EHMT1: variants seen among roughly 807,000 people sequenced by gnomAD.
The protein encoded by EHMT1 is euchromatic histone lysine methyltransferase 1.
Under a neutral mutation model 147.2 loss-of-function variants are expected in EHMT1, and 15 were observed. That is an observed-to-expected ratio of 0.10 (90% CI 0.07 to 0.16). EHMT1 has a LOEUF of 0.16. Among genes scored for constraint, EHMT1 ranks in the 10% least tolerant of loss-of-function variants. The pLI is 1.00. For missense variants in EHMT1, 1,587 were observed against 1,772.4 expected (o/e 0.90, Z 1.88); for synonymous variants, 795 against 709.6 (o/e 1.12, Z -1.91).
chr9:137,703,835 C>G (rs760421277), intron 1 of EHMT1, among the ~76,000 whole-genome samples: 1 of 152,144 alleles, frequency 6.6e-6, no homozygotes, highest in Non-Finnish European at 1.5e-5. Flanking sequence ...TAGCAATGCC[C>G]TACTTCTCCA....
At position 137,686,703 on chromosome 9, in the gene EHMT1, T is replaced by C. The variant is rs993031059; in HGVS notation, c.22-24264T>C. Among the ~76,000 whole-genome samples, 58 of 150,028 alleles carry C rather than the reference T, an allele frequency of 3.9e-4. 2 individuals are homozygous for C. The highest frequency in any genetic ancestry group is 3.6e-3 in the Middle Eastern group (1 of 280). ...GCTGAGTCAATTTTTATACATGGCA[T>C]GAGGTAGGGGTCCAACCTCATTCTT... On this transcript the variant is annotated intron_variant, in intron 1 of 26. Coordinates refer to ENST00000460843, the MANE Select transcript of EHMT1 (RefSeq NM_024757.5).
At chr9:137,722,152 A>G (rs1157547179) in intron 3 of EHMT1, among the ~76,000 whole-genome samples, 2 of 152,082 alleles carry the variant, frequency 1.3e-5, no homozygotes, top group African/African-American at 4.8e-5. Context: ...CGTCTCTCTG[A>G]AGTTATGCTT....
rs1949427594 is a variant in EHMT1 at position 137,757,022 on chromosome 9, G to GCTT, written c.1370-856_1370-855insTCT. Among the ~76,000 whole-genome samples, 3 of 152,254 alleles carry GCTT rather than the reference G, an allele frequency of 2.0e-5. No homozygotes were observed. The South Asian group carries it at 6.2e-4, about 32-fold the overall frequency. On this transcript the variant is annotated intron_variant, in intron 8 of 26. Coordinates refer to ENST00000460843, the MANE Select transcript of EHMT1 (RefSeq NM_024757.5). ...TTGGTGACTAGTCCCTAGAAGCTTG[G>GCTT]CTGTGAAATGTGACCATCTGCCCTT...
intron 1 of EHMT1, among the ~76,000 whole-genome samples, chr9:137,660,708 T>A (rs1424672690): frequency 6.6e-6 from 1 of 152,248 alleles, no homozygotes; most frequent in Non-Finnish European, 1.5e-5. Flanking sequence ...TCTCTTCATT[T>A]AGTTTTTAAG....
At chr9:137,686,943 A>C (rs1173140352) in intron 1 of EHMT1, among the ~76,000 whole-genome samples, 1 of 151,644 alleles carries the variant, frequency 6.6e-6, no homozygotes, top group African/African-American at 2.4e-5. Flanking sequence ...TGTAGCCAGG[A>C]TGGTCTTGAT....
At chr9:137,763,673 C>A (rs1950013929) in intron 10 of EHMT1, 1 of 153,356 alleles carries the variant, frequency 6.5e-6, no homozygotes, top group African/African-American at 2.4e-5. Flanking sequence ...GAGCTGTGAA[C>A]AGGACAACCA....
At chr9:137,724,811 G>A (rs536806514) in intron 3 of EHMT1, among the ~76,000 whole-genome samples, 24 of 152,268 alleles carry the variant, frequency 1.6e-4, no homozygotes, top group African/African-American at 4.3e-4. Context: ...TACAGCAGAC[G>A]TGTGGCATTC....
chr9:137,643,400 G>A (rs1317504761), intron 1 of EHMT1, among the ~76,000 whole-genome samples: 2 of 147,388 alleles, frequency 1.4e-5, no homozygotes, highest in South Asian at 2.2e-4. Context: ...GAGTGCAGTG[G>A]TGCCATCTCG....
chr9:137,794,706 G>A (rs934999352), intron 16 of EHMT1, among the ~76,000 whole-genome samples: 4 of 150,982 alleles, frequency 2.6e-5, no homozygotes, highest in African/African-American at 4.9e-5. Context: ...GACAGACAAC[G>A]TTATGAAATA....
At chr9:137,631,328 G>C (rs1434001473) in intron 1 of EHMT1, among the ~76,000 whole-genome samples, 1 of 151,706 alleles carries the variant, frequency 6.6e-6, no homozygotes, top group Non-Finnish European at 1.5e-5. Flanking sequence ...GGAGGTGGAG[G>C]TTGCAGTGAC....
chr9:137,625,478 C>T (rs555070088), intron 1 of EHMT1, among the ~76,000 whole-genome samples: 13 of 152,174 alleles, frequency 8.5e-5, no homozygotes, highest in Non-Finnish European at 1.5e-4. Flanking sequence ...GCTGGGACTA[C>T]AGGCACGTGC....
intron 4 of EHMT1, among the ~76,000 whole-genome samples, chr9:137,733,593 G>T (rs980596799): frequency 6.6e-6 from 1 of 152,144 alleles, no homozygotes; most frequent in African/African-American, 2.4e-5. Context: ...CAGGGTGTGC[G>T]GTGTTCCTGG....
chr9:137,639,207 C>T (rs1412981825), intron 1 of EHMT1, among the ~76,000 whole-genome samples: 1 of 150,674 alleles, frequency 6.6e-6, no homozygotes, highest in African/African-American at 2.4e-5. Context: ...TGTATAGTTT[C>T]AGTGTGTTTA....
rs1950965651 is a variant in EHMT1, at chr9:137,776,452, C to T, written c.1792-166C>T. ...CGAGAGCACCACGGGAAGCATCGTT[C>T]CTCCTTCTTAACGATGCCTGGGGCC... On this transcript the variant is annotated intron_variant, in intron 11 of 26. Transcript: ENST00000460843. This position sits in a 1 kb window ranked among gnomAD's most constrained non-coding sequence, Gnocchi z 4.4. The T allele has an allele frequency of 3.1e-6, 2 of 652,400 alleles. No individual in the cohort carries two copies. Among genetic ancestry groups the T allele is most frequent in the South Asian group, 3.5e-5 (2 of 56,596 alleles). The allele number at this position is 652,400 out of a possible 1,614,324, so 40.4% of individuals were successfully genotyped here. A position where few individuals can be genotyped will look rare whatever the true frequency, so the allele number is the denominator to read the frequency against.
intron 25 of EHMT1, among the ~76,000 whole-genome samples, chr9:137,830,601 C>T (rs564666111): frequency 2.6e-5 from 4 of 152,106 alleles, no homozygotes; most frequent in Non-Finnish European, 5.9e-5. Context: ...CAGTAAGCAC[C>T]AGTCCAGCTC....
intron 16 of EHMT1, among the ~76,000 whole-genome samples, chr9:137,795,596 G>C (rs1221710584): frequency 6.6e-6 from 1 of 152,158 alleles, no homozygotes; most frequent in Non-Finnish European, 1.5e-5. Context: ...AGACTCCACA[G>C]ACAGTGGCCC....
intron 1 of EHMT1, among the ~76,000 whole-genome samples, chr9:137,627,212 C>T (rs1250906990): frequency 6.6e-6 from 1 of 151,062 alleles, no homozygotes; most frequent in South Asian, 2.1e-4. Context: ...ACCCCCCTTG[C>T]CTCCCAAAGT....
rs1340338029 is a variant in EHMT1, at chr9:137,828,338, G to A, written c.3541-6011G>A. Among the ~76,000 whole-genome samples, 2 of 151,264 alleles carry A rather than the reference G, an allele frequency of 1.3e-5. No individual in the cohort carries two copies. The highest frequency in any genetic ancestry group is 6.6e-5 in the Admixed American group (1 of 15,228). ...CTGGACATGCCCTGGGGTGGGGGGT[G>A]GGGGGCAGCACATGCCAGGCTGCCA... On this transcript the variant is annotated intron_variant, in intron 25 of 26. Transcript: ENST00000460843. The surrounding 1 kb of genome is among the most constrained non-coding windows in gnomAD (Gnocchi z 5.3).
intron 21 of EHMT1, chr9:137,814,171 A>G: frequency 1.8e-6 from 1 of 552,856 alleles, no homozygotes; most frequent in Non-Finnish European, 3.3e-6. Context: ...CACCCACCCC[A>G]CGTCACCCAC....
Sources: gnomAD v4.1 joint callset for allele counts (sites outside exome capture counted in the v4.1 genomes callset) on GRCh38, gnomAD v4.1.1 for gene constraint, Gnocchi (gnomAD v3.1) non-coding constraint, MANE v1.5 for transcripts, NCBI Gene and HGNC (gene_info 2026-07-23, HGNC 2026-07-21) for gene names.